The following ANO4 variants were observed in gnomAD, a reference collection of about 807,000 sequenced individuals.
The protein encoded by ANO4 is anoctamin-4.
In ANO4, 69 loss-of-function variants were observed where a neutral mutation model predicts 141.9. The observed-to-expected ratio is 0.49, with a 90% CI of 0.40 to 0.59. The LOEUF is 0.59. Ranked by LOEUF, ANO4 falls within the 20% of genes least tolerant of loss-of-function variation. The probability of loss-of-function intolerance (pLI) is 0.00; values close to 1 mark genes in which losing one functional copy is unlikely to be tolerated. For synonymous variants in ANO4, 350 were observed against 394.3 expected (o/e 0.89, Z 1.33); for missense variants, 894 against 1,162.2 (o/e 0.77, Z 3.36).
intron 8 of ANO4, among the ~76,000 whole-genome samples, chr12:100,990,357 G>A (rs1345555873): frequency 6.6e-6 from 1 of 152,108 alleles, no homozygotes; most frequent in Non-Finnish European, 1.5e-5. Flanking sequence ...TTCTCAGCGT[G>A]ATTCTTAAAG....
intron 2 of ANO4, among the ~76,000 whole-genome samples, chr12:100,734,277 A>G (rs546294843): frequency 1.3e-5 from 2 of 152,344 alleles, no homozygotes; most frequent in East Asian, 3.9e-4. Flanking sequence ...GAACATGCTA[A>G]GCAAGTGTTA....
At chr12:100,803,278 C>T (rs146733547) in intron 1 of ANO4, among the ~76,000 whole-genome samples, 229 of 152,112 alleles carry the variant, frequency 1.5e-3, no homozygotes, top group African/African-American at 3.8e-3. Context: ...AGAGAAGAGA[C>T]GGGAGTGAAT....
intron 2 of ANO4, among the ~76,000 whole-genome samples, chr12:100,912,838 C>A (rs531676356): frequency 1.3e-5 from 2 of 152,184 alleles, no homozygotes; most frequent in Non-Finnish European, 2.9e-5. Context: ...CTTTGGACTT[C>A]TGTTTTATTT....
In ANO4 at chr12:100,988,906, C is replaced by T. The variant is rs531195272; in HGVS notation, c.734+1236C>T. Among the ~76,000 whole-genome samples, 49 of 130,456 alleles carry T rather than the reference C, an allele frequency of 3.8e-4. 1 individual carries two copies. Among genetic ancestry groups the T allele is most frequent in the Admixed American group, 1.1e-3 (13 of 12,204 alleles). The allele number at this position is 130,456 out of a possible 152,430, so 85.6% of individuals were successfully genotyped here. A position where few individuals can be genotyped will look rare whatever the true frequency, so the allele number is the denominator to read the frequency against. The stretch of plus-strand genomic sequence containing the variant: ...AAAAAAAAGAAAGAAAAACAAAAAA[C>T]GAAGGTAAGCCAAATGGCAGTTTTC... On this transcript the variant is annotated intron_variant, in intron 8 of 27. Transcript: ENST00000392977.
chr12:100,873,163 T>C (rs1438933252), intron 1 of ANO4, among the ~76,000 whole-genome samples: 1 of 152,184 alleles, frequency 6.6e-6, no homozygotes, highest in Non-Finnish European at 1.5e-5. Flanking sequence ...ATAAAGTACC[T>C]AGTCTCAGTT....
intron 1 of ANO4, among the ~76,000 whole-genome samples, chr12:100,823,549 G>A (rs572500287): frequency 1.9e-4 from 29 of 151,990 alleles, no homozygotes; most frequent in South Asian, 6.2e-4. Context: ...ATAGAAATCC[G>A]GGAAATTGCA....
intron 1 of ANO4, among the ~76,000 whole-genome samples, chr12:100,868,104 A>G (rs185380674): frequency 5.9e-5 from 9 of 152,266 alleles, no homozygotes; most frequent in Admixed American, 5.9e-4. Context: ...GAGCAACTTA[A>G]GTCTAGACCC....
chr12:100,760,254 A>G lies in ANO4; in HGVS notation c.358+20149A>G, dbSNP rs574989113. 3.9e-5 allele frequency among the ~76,000 whole-genome samples: 6 copies of G among 152,276 alleles called. No individual in the cohort carries two copies. The South Asian group carries it at 1.0e-3, about 26-fold the overall frequency. On this transcript the variant is annotated intron_variant, in intron 3 of 29. Coordinates refer to the ANO4 transcript ENST00000644049. ...AATATTCATTGAATACCTACTATGT[A>G]TTGCCTTCTGTGTTTTCCATGAGCT...
intron 1 of ANO4, among the ~76,000 whole-genome samples, chr12:100,820,995 T>C (rs188722521): frequency 1.3e-5 from 2 of 152,152 alleles, no homozygotes; most frequent in East Asian, 3.9e-4. Flanking sequence ...CTGATTTCCC[T>C]TGCACTCTCT....
chr12:100,858,744 C>G (rs549918814), intron 1 of ANO4, among the ~76,000 whole-genome samples: 1 of 151,956 alleles, frequency 6.6e-6, no homozygotes, highest in Non-Finnish European at 1.5e-5. Flanking sequence ...GTCCATTTTC[C>G]CTCAGCTTCC....
chr12:100,819,538 A>G (rs924192278), intron 1 of ANO4, among the ~76,000 whole-genome samples: 13 of 152,000 alleles, frequency 8.6e-5, no homozygotes, highest in Admixed American at 2.6e-4. Flanking sequence ...ACTTGAGACC[A>G]GTTCAAAACA....
intron 1 of ANO4, among the ~76,000 whole-genome samples, chr12:100,850,040 G>T (rs180801356): frequency 3.3e-5 from 5 of 152,274 alleles, no homozygotes; most frequent in Non-Finnish European, 5.9e-5. Flanking sequence ...GAACTCTGAA[G>T]CTACCTCAGC....
chr12:100,891,876 G>A (rs556398468), intron 1 of ANO4, among the ~76,000 whole-genome samples: 4 of 152,138 alleles, frequency 2.6e-5, no homozygotes, highest in African/African-American at 9.6e-5. Context: ...CTGTCTAAAT[G>A]AAATTTTGTA....
rs1036278047 is a variant in ANO4, at chr12:101,093,719, C to T, written c.1702-537C>T. ...CAGATGGCTGGGTGAGTTAAGGATG[C>T]GTGAGTTAAGGAGGCATCGGGTCCA... On this transcript the variant is annotated intron_variant, in intron 17 of 27. Coordinates refer to ENST00000392977, the MANE Select transcript of ANO4 (RefSeq NM_001286615.2). Among the ~76,000 whole-genome samples the T allele has an allele frequency of 9.2e-5, 14 of 151,972 alleles. 1 individual carries two copies. The highest frequency in any genetic ancestry group is 9.2e-4 in the Admixed American group (14 of 15,244).
chr12:100,792,339 C>A (rs747254642), upstream of ANO4, among the ~76,000 whole-genome samples: 1 of 152,172 alleles, frequency 6.6e-6, no homozygotes, highest in African/African-American at 2.4e-5. Context: ...GGCATTAAAT[C>A]GTGCTGTTGT....
At chr12:101,046,868 T>C (rs1264162718) in intron 13 of ANO4, among the ~76,000 whole-genome samples, 1 of 152,198 alleles carries the variant, frequency 6.6e-6, no homozygotes, top group Non-Finnish European at 1.5e-5. Context: ...AGACAGATGA[T>C]CTGGGTAGCC....
intron 3 of ANO4, among the ~76,000 whole-genome samples, chr12:100,788,052 C>T (rs553773849): frequency 9.2e-5 from 14 of 152,266 alleles, no homozygotes; most frequent in African/African-American, 2.9e-4. Flanking sequence ...TACTTTATCC[C>T]TGATTGCCAT....
chr12:100,724,183 AG>A (rs1456705339), intron 1 of ANO4, among the ~76,000 whole-genome samples: 2 of 152,232 alleles, frequency 1.3e-5, no homozygotes, highest in African/African-American at 4.8e-5. Flanking sequence ...TTCTCTAATT[AG>A]GGTTCATGAA....
chr12:100,884,093 A>C (rs191016760), intron 1 of ANO4, among the ~76,000 whole-genome samples: 11 of 152,342 alleles, frequency 7.2e-5, no homozygotes, highest in African/African-American at 2.6e-4. Flanking sequence ...AGATTTGATT[A>C]AAAAGTTCCA....
Sources: allele counts gnomAD v4.1 joint callset (sites outside exome capture counted in the v4.1 genomes callset), GRCh38; gene constraint gnomAD v4.1.1; transcripts MANE v1.5; gene names NCBI Gene and HGNC (gene_info 2026-07-23, HGNC 2026-07-21).